The following SLC44A5 variants were observed in gnomAD, a reference collection of about 807,000 sequenced individuals.
The protein encoded by SLC44A5 is solute carrier family 44 member 5.
A neutral mutation model predicts 101.8 loss-of-function variants in SLC44A5; 57 were observed. That is an observed-to-expected ratio of 0.56 (90% CI 0.45 to 0.70). SLC44A5 has a LOEUF of 0.70. Ranked by LOEUF, SLC44A5 falls within the 30% of genes least tolerant of loss-of-function variation. The pLI, the probability that SLC44A5 is intolerant of heterozygous loss-of-function variation, is 0.00. For synonymous variants in SLC44A5, 281 were observed against 290.9 expected (o/e 0.97, Z 0.35); for missense variants, 737 against 853.1 (o/e 0.86, Z 1.70).
At chr1:75,584,179 C>G (rs921069621) in intron 1 of SLC44A5, among the ~76,000 whole-genome samples, 1 of 152,206 alleles carries the variant, frequency 6.6e-6, no homozygotes, top group African/African-American at 2.4e-5. Context: ...GGCTCTGTCC[C>G]TTTACAGTGA....
chr1:75,615,524 G>A (rs1046401625), upstream of SLC44A5, among the ~76,000 whole-genome samples: 1 of 151,202 alleles, frequency 6.6e-6, no homozygotes, highest in Non-Finnish European at 1.5e-5. Flanking sequence ...GATGCTAGGA[G>A]CCCAGTCGCT....
intron 2 of SLC44A5, among the ~76,000 whole-genome samples, chr1:75,453,594 A>G (rs1320754975): frequency 1.3e-5 from 2 of 152,092 alleles, no homozygotes; most frequent in African/African-American, 2.4e-5. Flanking sequence ...GATACAAAGG[A>G]TCAATGAAAC....
intron 4 of SLC44A5, among the ~76,000 whole-genome samples, chr1:75,328,203 C>T (rs927769039): frequency 6.6e-6 from 1 of 152,090 alleles, no homozygotes; most frequent in Non-Finnish European, 1.5e-5. Flanking sequence ...CACTCTCTTG[C>T]CAAAAGAATG....
chr1:75,343,931 T>C lies in SLC44A5; in HGVS notation c.53-4301A>G, dbSNP rs74991111. On this transcript the variant is annotated intron_variant, in intron 3 of 23. Coordinates refer to ENST00000370859, the MANE Select transcript of SLC44A5 (RefSeq NM_001130058.2). ...ATTTCTTACAGGATGATGTTCCCACTTCTTAGCCCAACACACATGGCTTTT... is the reference window on the plus strand; with the variant it reads ...ATTTCTTACAGGATGATGTTCCCACCTCTTAGCCCAACACACATGGCTTTT... 3.6e-3 allele frequency among the ~76,000 whole-genome samples: 554 copies of C among 152,274 alleles called. 3 individuals are homozygous for C. Among genetic ancestry groups the C allele is most frequent in the African/African-American group, 0.013 (539 of 41,568 alleles).
chr1:75,286,769 A>G (rs1653087905), intron 5 of SLC44A5, among the ~76,000 whole-genome samples: 2 of 152,082 alleles, frequency 1.3e-5, no homozygotes, highest in Admixed American at 1.3e-4. Flanking sequence ...AGGAGCCTAA[A>G]GATAGGACTC....
chr1:75,285,393 T>C (rs1652956082), intron 5 of SLC44A5, among the ~76,000 whole-genome samples: 1 of 152,062 alleles, frequency 6.6e-6, no homozygotes, highest in Non-Finnish European at 1.5e-5. Flanking sequence ...ATCTCACTAA[T>C]GGTCTATCAA....
intron 2 of SLC44A5, among the ~76,000 whole-genome samples, chr1:75,471,171 G>A (rs1341528543): frequency 6.6e-6 from 1 of 151,794 alleles, no homozygotes; most frequent in African/African-American, 2.4e-5. Context: ...TGTTTCTTTG[G>A]AGTTTCATAA....
chr1:75,704,888 T>C, the SLC44A5 span, among the ~76,000 whole-genome samples: 1 of 152,194 alleles, frequency 6.6e-6, no homozygotes, highest in Non-Finnish European at 1.5e-5. Flanking sequence ...CTAACTTAAA[T>C]GGAAATGCAT....
At position 75,557,011 on chromosome 1, in the gene SLC44A5, G is replaced by T. The variant is rs190833162; in HGVS notation, c.-69-15495C>A. On this transcript the variant is annotated intron_variant, in intron 1 of 23. Coordinates refer to ENST00000370859, the MANE Select transcript of SLC44A5 (RefSeq NM_001130058.2). ...CTAGCTTCCTCAGGGGTTTTACCCA[G>T]CAGGCTTTTGCCTATTTGTCATTGG... Among the ~76,000 whole-genome samples, 387 of 152,242 alleles carry T rather than the reference G, an allele frequency of 2.5e-3. 2 individuals are homozygous for T. The highest frequency in any genetic ancestry group is 0.01 in the Middle Eastern group (3 of 294).
At chr1:75,711,196 C>CCG in the SLC44A5 span, among the ~76,000 whole-genome samples, 1 of 152,186 alleles carries the variant, frequency 6.6e-6, no homozygotes, top group South Asian at 2.1e-4. Flanking sequence ...CTGCATAGGC[C>CCG]TTGACCCAAA....
At chr1:75,498,701 T>C (rs1013999725) in intron 2 of SLC44A5, among the ~76,000 whole-genome samples, 1 of 152,210 alleles carries the variant, frequency 6.6e-6, no homozygotes, top group African/African-American at 2.4e-5. Context: ...ATCAAAATCA[T>C]GTTTTTTAAA....
chr1:75,399,508 C>T (rs960452410), intron 2 of SLC44A5, among the ~76,000 whole-genome samples: 3 of 152,064 alleles, frequency 2.0e-5, no homozygotes, highest in South Asian at 2.1e-4. Flanking sequence ...GACATAGCTA[C>T]CAGATGCAAG....
intron 2 of SLC44A5, chr1:75,398,305 T>G (rs2101413789): frequency 1.2e-6 from 1 of 825,960 alleles, no homozygotes; most frequent in Middle Eastern, 6.2e-4. Context: ...TCCAGCCCTC[T>G]ACTCCAATTT....
At chr1:75,652,655 A>T in the SLC44A5 span, among the ~76,000 whole-genome samples, 1 of 152,236 alleles carries the variant, frequency 6.6e-6, no homozygotes, top group East Asian at 1.9e-4. Flanking sequence ...TTAGCTAAGC[A>T]TGTTGGTATA....
intron 23 of SLC44A5, among the ~76,000 whole-genome samples, chr1:75,210,821 A>G (rs1010218210): frequency 2.1e-4 from 32 of 152,204 alleles, no homozygotes; most frequent in Non-Finnish European, 2.2e-4. Context: ...AGCTGTTAAG[A>G]TTTCTTTTTA....
At chr1:75,723,490 C>T in the SLC44A5 span, among the ~76,000 whole-genome samples, 2 of 152,114 alleles carry the variant, frequency 1.3e-5, no homozygotes, top group African/African-American at 4.8e-5. Flanking sequence ...GCTCCATCTT[C>T]GCTTCTCTGC....
chr1:75,631,978 C>A, the SLC44A5 span, among the ~76,000 whole-genome samples: 1 of 152,104 alleles, frequency 6.6e-6, no homozygotes, highest in Non-Finnish European at 1.5e-5. Context: ...TATCACTCAT[C>A]CTTATTTTCT....
intron 2 of SLC44A5, among the ~76,000 whole-genome samples, chr1:75,537,034 A>AAAAAAAAAAAAAAAAAAAAAG (rs1553199990): frequency 2.7e-4 from 5 of 18,660 alleles, no homozygotes; most frequent in Non-Finnish European, 4.7e-4. Flanking sequence ...AAAAAAAAAA[A>AAAAAAAAAAAAAAAAAAAAAG]TATATATCTA....
intron 1 of SLC44A5, among the ~76,000 whole-genome samples, chr1:75,609,599 T>C (rs1008775515): frequency 1.3e-5 from 2 of 151,972 alleles, no homozygotes; most frequent in African/African-American, 4.8e-5. Flanking sequence ...AAGTATCTTC[T>C]AAACTAAATG....
Sources: allele counts gnomAD v4.1 joint callset (sites outside exome capture counted in the v4.1 genomes callset), GRCh38; gene constraint gnomAD v4.1.1; transcripts MANE v1.5; gene names NCBI Gene and HGNC (gene_info 2026-07-23, HGNC 2026-07-21).